Variants in GLIS3 observed in about 807,000 individuals in gnomAD.
GLIS3 encodes GLIS family zinc finger 3.
GLIS3 carries 53 observed loss-of-function variants against 78.6 expected under a neutral mutation model. The observed-to-expected ratio is 0.67, with a 90% CI of 0.54 to 0.85. GLIS3 has a LOEUF of 0.85. Ranked by LOEUF, GLIS3 falls within the 40% of genes least tolerant of loss-of-function variation. GLIS3 has a pLI of 0.00. For missense variants in GLIS3, 1,703 were observed against 1,231.1 expected, an observed-to-expected ratio of 1.38 and a Z score of -5.74; for synonymous variants, 684 against 509.9, an observed-to-expected ratio of 1.34 and a Z score of -4.60.
intron 6 of GLIS3, among the ~76,000 whole-genome samples, chr9:3,911,207 A>G (rs1208608629): frequency 1.3e-5 from 2 of 152,102 alleles, no homozygotes; most frequent in Non-Finnish European, 2.9e-5. Context: ...CCAGGAGATA[A>G]AGTAGTACAT....
chr9:4,347,866 G>A (rs1278934760), intron 1 of GLIS3, among the ~76,000 whole-genome samples: 1 of 151,912 alleles, frequency 6.6e-6, no homozygotes, highest in African/African-American at 2.4e-5. Flanking sequence ...TTTTGACTGT[G>A]GCTCATTAGC....
chr9:3,829,485 A>G lies in GLIS3; in HGVS notation c.2481T>C (p.Tyr827=). ...GGGGACAGAACTTCTGCAGCTGCCC[A>G]TAAAATCCTGAAACGCAAGCATGGC... The part of the protein sequence containing the change: ...QPNGIHVHGF[Y]GQLQKFCPPH... Residue 827 remains tyrosine (Y), a synonymous_variant, in exon 10 of 11, where the codon TAT becomes TAC. Transcript: ENST00000381971. 1.2e-6 allele frequency: 2 copies of G among 1,614,096 alleles called. No individual in the cohort carries two copies. The highest frequency in any genetic ancestry group is 1.1e-5 in the South Asian group (1 of 91,082).
chr9:4,329,496 A>G (rs1181596226), intron 2 of GLIS3, among the ~76,000 whole-genome samples: 1 of 152,126 alleles, frequency 6.6e-6, no homozygotes, highest in Non-Finnish European at 1.5e-5. Context: ...GGGGCCTATA[A>G]TAAGACCACC....
chr9:3,992,881 T>A (rs893853368), intron 4 of GLIS3, among the ~76,000 whole-genome samples: 14 of 152,192 alleles, frequency 9.2e-5, no homozygotes, highest in African/African-American at 3.4e-4. Context: ...TACAACATTT[T>A]CTTTAGTTTC....
intron 4 of GLIS3, among the ~76,000 whole-genome samples, chr9:3,960,809 A>G (rs1817495727): frequency 1.3e-5 from 2 of 152,196 alleles, no homozygotes; most frequent in African/African-American, 4.8e-5. Context: ...TCTTTGCCCA[A>G]GTTTTTCATA....
chr9:3,948,074 G>C (rs1158872387), intron 4 of GLIS3, among the ~76,000 whole-genome samples: 1 of 152,168 alleles, frequency 6.6e-6, no homozygotes, highest in Non-Finnish European at 1.5e-5. Context: ...CAGCTCCATC[G>C]TCCTAGGATT....
the GLIS3 span, among the ~76,000 whole-genome samples, chr9:4,395,617 T>C: frequency 1.3e-5 from 2 of 152,168 alleles, no homozygotes; most frequent in African/African-American, 4.8e-5. Flanking sequence ...AAACCCCTAG[T>C]TGAGGCAACC....
At chr9:4,452,280 T>C in the GLIS3 span, among the ~76,000 whole-genome samples, 3 of 152,128 alleles carry the variant, frequency 2.0e-5, no homozygotes, top group Non-Finnish European at 2.9e-5. Flanking sequence ...GGATGTCCTC[T>C]CTCACCACCC....
chr9:4,355,259 G>A, the GLIS3 span, among the ~76,000 whole-genome samples: 10 of 152,256 alleles, frequency 6.6e-5, no homozygotes, highest in African/African-American at 2.4e-4. Flanking sequence ...GCCACTTGGC[G>A]GCTGTGTGAC....
the GLIS3 span, among the ~76,000 whole-genome samples, chr9:4,484,599 G>A: frequency 6.6e-6 from 1 of 151,640 alleles, no homozygotes; most frequent in African/African-American, 2.4e-5. Context: ...TGTATTTTTA[G>A]TAGGGACAGG....
At chr9:4,394,492 A>G in the GLIS3 span, among the ~76,000 whole-genome samples, 1 of 152,124 alleles carries the variant, frequency 6.6e-6, no homozygotes, top group African/African-American at 2.4e-5. Context: ...GTTCTTGAAC[A>G]ACAAGCACGG....
rs140440655 is a variant in GLIS3 at position 4,342,750 on chromosome 9, G to C, written n.264+4331C>G. On this transcript the variant is annotated intron_variant and non_coding_transcript_variant, in intron 2 of 4. Transcript: ENST00000471664. ...ATGAGCATGGCATGTTTTTGCATTT[G>C]TTTGTGTCATCTCTGATTTCAGCAG... 3.4e-4 allele frequency among the ~76,000 whole-genome samples: 52 copies of C among 152,256 alleles called. 1 individual carries two copies. Among genetic ancestry groups the C allele is most frequent in the African/African-American group, 1.2e-3 (49 of 41,550 alleles).
At chr9:4,135,579 A>ATAAC (rs1334544940) in intron 2 of GLIS3, among the ~76,000 whole-genome samples, 1 of 152,206 alleles carries the variant, frequency 6.6e-6, no homozygotes, top group African/African-American at 2.4e-5. Flanking sequence ...TATTACTCAA[A>ATAAC]TAACATATCT....
intron 8 of GLIS3, among the ~76,000 whole-genome samples, chr9:3,877,021 C>T (rs866399202): frequency 2.2e-4 from 34 of 151,992 alleles, no homozygotes; most frequent in Middle Eastern, 3.4e-3. Context: ...TTAAAGGCTG[C>T]GTACAAAAAG....
chr9:4,422,454 C>T, the GLIS3 span, among the ~76,000 whole-genome samples: 4 of 152,254 alleles, frequency 2.6e-5, no homozygotes, highest in Admixed American at 1.3e-4. Context: ...ACATGGTTTC[C>T]CCAGGATTTG....
At chr9:4,114,923 A>G (rs1215062994) in intron 4 of GLIS3, among the ~76,000 whole-genome samples, 1 of 152,216 alleles carries the variant, frequency 6.6e-6, no homozygotes, top group African/African-American at 2.4e-5. Flanking sequence ...CAGTTCTGCC[A>G]CCCAGAATCC....
chr9:4,360,077 C>T, the GLIS3 span, among the ~76,000 whole-genome samples: 1 of 151,664 alleles, frequency 6.6e-6, no homozygotes, highest in Non-Finnish European at 1.5e-5. Flanking sequence ...TTCCCCATCT[C>T]CTAATGAAGT....
chr9:3,921,211 C>T (rs185267949), intron 6 of GLIS3, among the ~76,000 whole-genome samples: 174 of 152,316 alleles, frequency 1.1e-3, no homozygotes, highest in African/African-American at 3.8e-3. Context: ...AGATCACCCA[C>T]AAGAAAGTGC....
In GLIS3 at chr9:4,004,884, A is replaced by G. The variant is rs77680840; in HGVS notation, c.1711-67695T>C. Reference sequence around the variant, plus strand: ...ATACTTATATTTGAGTCTTGGCTCTATTATATATTGTTTCAACAATGGCAT... The same window carrying G: ...ATACTTATATTTGAGTCTTGGCTCTGTTATATATTGTTTCAACAATGGCAT... On this transcript the variant is annotated intron_variant, in intron 4 of 10. Transcript: ENST00000381971. Among the ~76,000 whole-genome samples, 777 of 152,302 alleles carry G rather than the reference A, an allele frequency of 5.1e-3. 8 individuals carry two copies. Among genetic ancestry groups the G allele is most frequent in the African/African-American group, 0.018 (745 of 41,570 alleles).
Sources: gnomAD v4.1 joint callset for allele counts (sites outside exome capture counted in the v4.1 genomes callset) on GRCh38, gnomAD v4.1.1 for gene constraint, MANE v1.5 for transcripts, NCBI Gene and HGNC (gene_info 2026-07-23, HGNC 2026-07-21) for gene names.